The following CD109 variants were observed in gnomAD, a reference collection of about 807,000 sequenced individuals.
CD109 encodes the protein CD109 antigen.
Under a neutral mutation model 165.8 loss-of-function variants are expected in CD109, and 149 were observed. The observed-to-expected ratio is 0.90, with a 90% CI of 0.79 to 1.03. CD109 has a LOEUF of 1.03. CD109 is among the 50% of genes least tolerant of loss of function. The probability of loss-of-function intolerance (pLI) is 0.00; values close to 1 mark genes in which losing one functional copy is unlikely to be tolerated. For missense variants in CD109, 1,712 were observed against 1,677.8 expected (o/e 1.02, Z -0.36); for synonymous variants, 585 against 592.1 (o/e 0.99, Z 0.18).
chr6:73,753,824 G>A (rs1164214250), intron 5 of CD109, among the ~76,000 whole-genome samples: 1 of 152,180 alleles, frequency 6.6e-6, no homozygotes, highest in African/African-American at 2.4e-5. Flanking sequence ...TGTATTGCAG[G>A]AGATGCTGCC....
In CD109 at chr6:73,766,971, G is replaced by A. The variant is rs761182899; in HGVS notation, c.1458G>A (p.Val486=). ...AGGTGGGATCGCCTTTTGAGTTGGT[G>A]GTTAGTGGCAACAAACGATTGAAGG... ...NIKVGSPFEL[V]VSGNKRLKEL... Residue 486 remains valine (V), a synonymous_variant, in exon 13 of 33, where the codon GTG becomes GTA. Transcript: ENST00000287097. 5 of 1,613,196 alleles carry A rather than the reference G, an allele frequency of 3.1e-6. No individual in the cohort carries two copies. The East Asian group carries it at 8.9e-5, about 29-fold the overall frequency.
At position 73,697,360 on chromosome 6, in the gene CD109, G is replaced by T. The variant is rs765222571; in HGVS notation, c.75-40G>T. On this transcript the variant is annotated intron_variant, in intron 1 of 32. Coordinates refer to ENST00000287097, the MANE Select transcript of CD109 (RefSeq NM_133493.5). ...GGTCACAAAAGAAAGGAGATGTGAGGATAAGAAACTTTGTTTTTCCCTTGT... is the reference window on the plus strand; with the variant it reads ...GGTCACAAAAGAAAGGAGATGTGAGTATAAGAAACTTTGTTTTTCCCTTGT... 8 of 1,592,302 alleles carry T rather than the reference G, an allele frequency of 5.0e-6. No homozygotes were observed. In the South Asian group the frequency reaches 7.8e-5, roughly 15 times the overall value.
intron 15 of CD109, among the ~76,000 whole-genome samples, chr6:73,780,109 T>G (rs1372690773): frequency 6.6e-6 from 1 of 151,700 alleles, no homozygotes; most frequent in East Asian, 1.9e-4. Flanking sequence ...CTGCCAAAAG[T>G]GTGGGTCATT....
intron 5 of CD109, among the ~76,000 whole-genome samples, chr6:73,752,252 G>A (rs572364014): frequency 2.0e-5 from 3 of 152,284 alleles, no homozygotes; most frequent in South Asian, 2.1e-4. Context: ...TAATGGTCAT[G>A]TAATATGCTA....
chr6:73,774,617 C>T (rs941101907), intron 15 of CD109, among the ~76,000 whole-genome samples: 7 of 152,102 alleles, frequency 4.6e-5, no homozygotes, highest in Admixed American at 2.6e-4. Flanking sequence ...TTGCACAGGC[C>T]GTCTGAGCTG....
chr6:73,788,325 C>A, intron 21 of CD109, 143 bp from the exon 22 acceptor site: 13 of 536,464 alleles, frequency 2.4e-5, no homozygotes, highest in Non-Finnish European at 4.1e-5. Flanking sequence ...TTAAAGAAAA[C>A]AAAATAAGAA....
At chr6:73,744,041 CTG>C (rs1377756948) in intron 5 of CD109, among the ~76,000 whole-genome samples, 1 of 152,178 alleles carries the variant, frequency 6.6e-6, no homozygotes, top group African/African-American at 2.4e-5. Context: ...TTTTTAAAAA[CTG>C]TGGTAAGATA....
At position 73,752,373 on chromosome 6, in the gene CD109, A is replaced by G. The variant is rs189779471; in HGVS notation, c.634-4270A>G. ...TGGTTGTAGTAATTCACATGTCTCA[A>G]TTTGTATTCTAGTCATAACATACTT... On this transcript the variant is annotated intron_variant, in intron 5 of 32. Transcript: ENST00000287097. Among the ~76,000 whole-genome samples the G allele has an allele frequency of 2.6e-5, 4 of 152,302 alleles. No individual in the cohort carries two copies. In the East Asian group the frequency reaches 7.7e-4, roughly 29 times the overall value.
At chr6:73,777,737 A>G (rs1405128220) in intron 15 of CD109, among the ~76,000 whole-genome samples, 1 of 151,928 alleles carries the variant, frequency 6.6e-6, no homozygotes, top group Non-Finnish European at 1.5e-5. Flanking sequence ...GTGCAGTCTT[A>G]TTTCTGGGTT....
chr6:73,752,309 A>C (rs1395765842), intron 5 of CD109, among the ~76,000 whole-genome samples: 1 of 152,208 alleles, frequency 6.6e-6, no homozygotes. Context: ...GTTGGATGGC[A>C]TCATGGTTAG....
intron 2 of CD109, among the ~76,000 whole-genome samples, chr6:73,697,947 G>A (rs893838274): frequency 1.3e-5 from 2 of 152,178 alleles, no homozygotes; most frequent in Non-Finnish European, 2.9e-5. Flanking sequence ...AAGGGAGGCT[G>A]GGAAGTGTAG....
At chr6:73,744,947 C>T (rs1772925754) in intron 5 of CD109, among the ~76,000 whole-genome samples, 1 of 152,310 alleles carries the variant, frequency 6.6e-6, no homozygotes, top group South Asian at 2.1e-4. Flanking sequence ...CTAGATCCAT[C>T]TCCCCACTTT....
intron 3 of CD109, among the ~76,000 whole-genome samples, chr6:73,724,249 A>G (rs1349845508): frequency 6.6e-6 from 1 of 152,250 alleles, no homozygotes; most frequent in East Asian, 1.9e-4. Flanking sequence ...GAGAATGAAG[A>G]TACCATCTTT....
In CD109 at chr6:73,810,101, C is replaced by G; in HGVS notation, c.3473C>G (p.Thr1158Ser). ...ALLSHFLQFQ[T>S]SEGIPIMRWL... ...CTCTCACACTTCTTACAATTTCAGA[C>G]TTCTGAGGGAATCCCAATTATGAGG... Residue 1158 changes from threonine to serine, a missense_variant, in exon 27 of 33, where the codon ACT becomes AGT. By Grantham distance (58) the Thr-to-Ser change is moderately conservative. Transcript: ENST00000287097. 6.2e-7 allele frequency: 1 copy of G among 1,609,742 alleles called. No homozygotes were observed. The highest frequency in any genetic ancestry group is 8.5e-7 in the Non-Finnish European group (1 of 1,178,712).
chr6:73,812,680 T>C (rs1488274460), intron 29 of CD109, among the ~76,000 whole-genome samples: 5 of 152,028 alleles, frequency 3.3e-5, no homozygotes, highest in Non-Finnish European at 7.4e-5. Flanking sequence ...TAATAGTAAA[T>C]ATAACAATTA....
chr6:73,762,633 A>G (rs962083916), intron 8 of CD109, 108 bp from the exon 9 acceptor site: 1 of 1,016,704 alleles, frequency 9.8e-7, no homozygotes, highest in Non-Finnish European at 1.4e-6. Flanking sequence ...AATTATAGCG[A>G]TTAAAATGGT....
At chr6:73,688,003 A>G in the CD109 span, among the ~76,000 whole-genome samples, 1 of 152,204 alleles carries the variant, frequency 6.6e-6, no homozygotes, top group South Asian at 2.1e-4. Context: ...ATTAGGTGAG[A>G]AACTCCCAAC....
At chr6:73,781,836 C>CACA (rs386359122) in intron 17 of CD109, among the ~76,000 whole-genome samples, 1 of 62,096 alleles carries the variant, frequency 1.6e-5, no homozygotes, top group Non-Finnish European at 3.4e-5. Context: ...CACACACACA[C>CACA]CCCTCATCAA....
rs1776206259 is a variant in CD109 at position 73,824,267 on chromosome 6, G to A, written c.*634G>A. On this transcript the variant is annotated 3_prime_UTR_variant, in exon 33 of 33. Transcript: ENST00000287097. Reference sequence around the variant, plus strand: ...CCTCCCTCTCTTTTTCCTCTGTAGAGAAATGTGAGGGGCAGTACATTTACT... The same window carrying A: ...CCTCCCTCTCTTTTTCCTCTGTAGAAAAATGTGAGGGGCAGTACATTTACT... 6.6e-6 allele frequency: 1 copy of A among 152,040 alleles called. No homozygotes were observed. Among genetic ancestry groups the A allele is most frequent in the Admixed American group, 6.6e-5 (1 of 15,250 alleles). The allele number at this position is 152,040 out of a possible 1,614,324, so 9.4% of individuals were successfully genotyped here. A position where few individuals can be genotyped will look rare whatever the true frequency, so the allele number is the denominator to read the frequency against.
Sources: allele counts gnomAD v4.1 joint callset (sites outside exome capture counted in the v4.1 genomes callset), GRCh38; gene constraint gnomAD v4.1.1; transcripts MANE v1.5; gene names NCBI Gene and HGNC (gene_info 2026-07-23, HGNC 2026-07-21).